Variants in PTPRG observed in about 807,000 individuals in gnomAD.
PTPRG encodes the protein receptor-type tyrosine-protein phosphatase gamma.
PTPRG carries 102 observed loss-of-function variants against 165.3 expected under a neutral mutation model. That is an observed-to-expected ratio of 0.62 (90% CI 0.53 to 0.73). The LOEUF (loss-of-function observed/expected upper bound fraction) is 0.73. Among genes scored for constraint, PTPRG ranks in the 30% least tolerant of loss-of-function variants. The pLI is 0.00. For synonymous variants in PTPRG, 675 were observed against 669.5 expected (o/e 1.01, Z -0.13); for missense variants, 1,866 against 1,861.4 (o/e 1.00, Z -0.05).
At chr3:61,652,206 G>C (rs918620273) in intron 1 of PTPRG, among the ~76,000 whole-genome samples, 1 of 152,092 alleles carries the variant, frequency 6.6e-6, no homozygotes, top group Non-Finnish European at 1.5e-5. Flanking sequence ...TACTTGAGAG[G>C]CTGAGGCAGA....
chr3:62,192,992 C>A (rs1056061751), intron 9 of PTPRG, among the ~76,000 whole-genome samples: 14 of 152,114 alleles, frequency 9.2e-5, no homozygotes, highest in African/African-American at 3.4e-4. Context: ...TTTATATTTT[C>A]AATTTCCCCA....
intron 8 of PTPRG, among the ~76,000 whole-genome samples, chr3:62,181,066 A>G (rs1414805063): frequency 1.3e-5 from 2 of 152,222 alleles, no homozygotes; most frequent in South Asian, 2.1e-4. Context: ...ATTGTAATTC[A>G]GGGCTTGTTC....
At chr3:62,264,805 C>T (rs563337532) in intron 17 of PTPRG, among the ~76,000 whole-genome samples, 17 of 151,990 alleles carry the variant, frequency 1.1e-4, no homozygotes, top group Non-Finnish European at 1.5e-4. Context: ...TTGGTGTATA[C>T]GTAGGAGTAG....
At chr3:62,104,705 A>G (rs1185453258) in intron 5 of PTPRG, among the ~76,000 whole-genome samples, 7 of 152,164 alleles carry the variant, frequency 4.6e-5, no homozygotes, top group Non-Finnish European at 1.0e-4. Context: ...TTGATGAGGA[A>G]CAGAATTCAC....
In PTPRG at chr3:61,570,720, T is replaced by C. The variant is rs185727065; in HGVS notation, c.85+8348T>C. Among the ~76,000 whole-genome samples the C allele has an allele frequency of 3.7e-3, 561 of 152,272 alleles. 2 individuals carry two copies. The highest frequency in any genetic ancestry group is 0.013 in the African/African-American group (539 of 41,564). ...AGCATAAAAGCATAGTCCAGATTAG[T>C]GAGGAAATATTACTGACTTTTTAAG... On this transcript the variant is annotated intron_variant, in intron 1 of 29. Transcript: ENST00000474889.
intron 15 of PTPRG, among the ~76,000 whole-genome samples, chr3:62,248,571 A>G (rs1476069310): frequency 6.6e-6 from 1 of 152,176 alleles, no homozygotes; most frequent in Non-Finnish European, 1.5e-5. Context: ...TTCTTTTGAA[A>G]AAACAAACTT....
At chr3:61,764,286 G>A (rs890325636) in intron 2 of PTPRG, among the ~76,000 whole-genome samples, 1 of 152,150 alleles carries the variant, frequency 6.6e-6, no homozygotes, top group Non-Finnish European at 1.5e-5. Context: ...TGAGTGGAGC[G>A]TAGAAGTGAG....
chr3:61,886,047 C>G lies in PTPRG; in HGVS notation c.191-103578C>G, dbSNP rs566945037. Among the ~76,000 whole-genome samples, 6 of 151,842 alleles carry G rather than the reference C, an allele frequency of 4.0e-5. No individual in the cohort carries two copies. The East Asian group carries it at 9.9e-4, about 25-fold the overall frequency. Reference sequence around the variant, plus strand: ...CCCTGGACACTGACCCAGGACAACTCGAGCACCACCCCCTGACATGTCATG... The same window carrying G: ...CCCTGGACACTGACCCAGGACAACTGGAGCACCACCCCCTGACATGTCATG... On this transcript the variant is annotated intron_variant, in intron 2 of 29. Coordinates refer to ENST00000474889, the MANE Select transcript of PTPRG (RefSeq NM_002841.4).
chr3:61,630,768 G>T (rs541317617), intron 1 of PTPRG, among the ~76,000 whole-genome samples: 1 of 152,226 alleles, frequency 6.6e-6, no homozygotes, highest in East Asian at 1.9e-4. Context: ...CTTAAAAAAT[G>T]TATTTTTAGC....
intron 4 of PTPRG, among the ~76,000 whole-genome samples, chr3:62,042,954 A>C (rs1161611409): frequency 6.6e-6 from 1 of 152,222 alleles, no homozygotes; most frequent in Non-Finnish European, 1.5e-5. Context: ...AAAAGGGTCA[A>C]ATCTTTTACT....
chr3:62,012,942 T>C (rs1034527242), intron 4 of PTPRG, among the ~76,000 whole-genome samples: 4 of 152,244 alleles, frequency 2.6e-5, no homozygotes, highest in African/African-American at 4.8e-5. Flanking sequence ...ACCGCTTCAG[T>C]CTATTTTTAA....
chr3:61,879,061 T>C (rs949461012), intron 2 of PTPRG, among the ~76,000 whole-genome samples: 1 of 152,190 alleles, frequency 6.6e-6, no homozygotes, highest in Non-Finnish European at 1.5e-5. Context: ...CAATATAAAT[T>C]TACTAGGAAC....
chr3:61,688,194 C>T (rs567280486), intron 1 of PTPRG, among the ~76,000 whole-genome samples: 1 of 152,296 alleles, frequency 6.6e-6, no homozygotes, highest in Admixed American at 6.5e-5. Flanking sequence ...TGGACTAATC[C>T]ATGTTTCCAG....
chr3:62,232,724 C>T (rs1186338979), intron 14 of PTPRG, among the ~76,000 whole-genome samples: 1 of 152,216 alleles, frequency 6.6e-6, no homozygotes, highest in African/African-American at 2.4e-5. Context: ...AGAGATGCCC[C>T]AGTCTCTCTG....
intron 1 of PTPRG, among the ~76,000 whole-genome samples, chr3:61,664,000 G>A (rs1702739942): frequency 6.6e-6 from 1 of 152,188 alleles, no homozygotes; most frequent in Admixed American, 6.5e-5. Context: ...TACACAGTAG[G>A]CAGGCATGTA....
intron 2 of PTPRG, among the ~76,000 whole-genome samples, chr3:61,955,945 A>G (rs1269868995): frequency 1.3e-5 from 2 of 152,150 alleles, no homozygotes; most frequent in Non-Finnish European, 2.9e-5. Context: ...GTATAACACA[A>G]AGTAATATGT....
chr3:61,932,832 C>A (rs7628108), intron 2 of PTPRG, among the ~76,000 whole-genome samples: 4 of 152,126 alleles, frequency 2.6e-5, no homozygotes, highest in Non-Finnish European at 5.9e-5. Flanking sequence ...GTTTTTCAGG[C>A]GCAGCATTCT....
Position 61,660,753 on chromosome 3 carries a change from G to C in PTPRG, c.86-88125G>C, listed in dbSNP as rs112416556. Among the ~76,000 whole-genome samples the C allele has an allele frequency of 6.0e-3, 914 of 152,278 alleles. 8 individuals are homozygous for C. Among genetic ancestry groups the C allele is most frequent in the African/African-American group, 0.02 (826 of 41,546 alleles). On this transcript the variant is annotated intron_variant, in intron 1 of 29. Coordinates refer to ENST00000474889, the MANE Select transcript of PTPRG (RefSeq NM_002841.4). ...GCGTTGGCTCACGCCTGTAATCCCAGCACTTTGGGAGACTAAGGTGGGCTG... is the reference window on the plus strand; with the variant it reads ...GCGTTGGCTCACGCCTGTAATCCCACCACTTTGGGAGACTAAGGTGGGCTG...
At chr3:61,653,054 A>G (rs957213819) in intron 1 of PTPRG, among the ~76,000 whole-genome samples, 17 of 152,266 alleles carry the variant, frequency 1.1e-4, no homozygotes, top group Non-Finnish European at 1.9e-4. Flanking sequence ...TTATAAGTAC[A>G]TATAAGATAA....
Sources: gnomAD v4.1 joint callset for allele counts (sites outside exome capture counted in the v4.1 genomes callset) on GRCh38, gnomAD v4.1.1 for gene constraint, MANE v1.5 for transcripts, NCBI Gene and HGNC (gene_info 2026-07-23, HGNC 2026-07-21) for gene names.